The following WDR93 variants were observed in gnomAD, a reference collection of about 807,000 sequenced individuals.
WDR93 encodes the protein WD repeat domain 93.
A neutral mutation model predicts 82.9 loss-of-function variants in WDR93; 73 were observed. The observed-to-expected ratio is 0.88, with a 90% confidence interval of 0.73 to 1.07. The LOEUF (loss-of-function observed/expected upper bound fraction) is 1.07. Among genes scored for constraint, WDR93 ranks in the 50% least tolerant of loss-of-function variants. The pLI, the probability that WDR93 is intolerant of heterozygous loss-of-function variation, is 0.00. For missense variants in WDR93, 738 were observed against 826.0 expected, an observed-to-expected ratio of 0.89 and a Z score of 1.31; for synonymous variants, 283 against 300.1, an observed-to-expected ratio of 0.94 and a Z score of 0.59.
intron 1 of WDR93, among the ~76,000 whole-genome samples, chr15:89,695,973 C>A (rs1456308254): frequency 1.3e-5 from 2 of 152,012 alleles, no homozygotes; most frequent in African/African-American, 4.8e-5. Flanking sequence ...CACACCACCA[C>A]ACCCAGCTTA....
chr15:89,731,546 G>C lies in WDR93; in HGVS notation c.1314G>C (p.Leu438=). ...CCTGCGAGGATGGTGTGCTCACGCTGTGGGACCTGGCCAAAGGTAAGTCCT... is the reference window on the plus strand; with the variant it reads ...CCTGCGAGGATGGTGTGCTCACGCTCTGGGACCTGGCCAAAGGTAAGTCCT... ...VLACEDGVLT[L]WDLAKGFPLG... is the part of the protein sequence containing the mutation. The change falls in exon 12 of 17, where the codon CTG becomes CTC. Residue 438 remains leucine, a synonymous_variant. Coordinates refer to ENST00000268130, the MANE Select transcript of WDR93 (RefSeq NM_020212.2). The C allele has an allele frequency of 6.2e-7, 1 of 1,614,110 alleles. No individual in the cohort carries two copies. The highest frequency in any genetic ancestry group is 8.5e-7 in the Non-Finnish European group (1 of 1,180,004).
chr15:89,692,888 G>A (rs1964971897), intron 1 of WDR93, among the ~76,000 whole-genome samples: 1 of 150,562 alleles, frequency 6.6e-6, no homozygotes, highest in South Asian at 2.1e-4. Context: ...GATTACAGGT[G>A]TGAGCCACCA....
At chr15:89,732,942 C>T (rs1966883617) in intron 12 of WDR93, 64 bp from the exon 13 acceptor site, 6 of 1,470,362 alleles carry the variant, frequency 4.1e-6, no homozygotes, top group Non-Finnish European at 5.7e-6. Context: ...GGTCACAGCC[C>T]CTGTGCCCAT....
rs1216708537 is a variant in WDR93, at chr15:89,722,139, GGTAA to G, written c.880+3_880+6del. 2.5e-6 allele frequency: 4 copies of G among 1,590,564 alleles called. No homozygotes were observed. The highest frequency in any genetic ancestry group is 1.8e-5 in the Admixed American group (1 of 55,892). ...GATCAAACCACCTAAGCCTGTTACA[GGTAA>G]GTGTGATTCAAATCTCTCTCCTTTT... On this transcript the variant is annotated splice_donor_variant and splice_donor_region_variant and intron_variant, in intron 8 of 16. Coordinates refer to ENST00000268130, the MANE Select transcript of WDR93 (RefSeq NM_020212.2). LOFTEE classifies it high-confidence loss of function.
chr15:89,725,546 C>CT (rs35770679), intron 8 of WDR93, among the ~76,000 whole-genome samples: 60,879 of 144,676 alleles, frequency 0.42, 13,173 homozygotes, highest in African/African-American at 0.48. Flanking sequence ...TGTTCTATTT[C>CT]TTTTTTTTTT....
intron 4 of WDR93, among the ~76,000 whole-genome samples, chr15:89,710,187 A>C (rs1370341243): frequency 2.6e-5 from 4 of 152,166 alleles, no homozygotes; most frequent in Admixed American, 2.6e-4. Context: ...GAAAACAAAA[A>C]AACATAATCA....
intron 7 of WDR93, among the ~76,000 whole-genome samples, chr15:89,720,188 C>T (rs1966462344): frequency 6.6e-6 from 1 of 152,114 alleles, no homozygotes; most frequent in South Asian, 2.1e-4. Context: ...TATCTAAGTA[C>T]TGCTTTAAAA....
At chr15:89,694,941 T>C (rs889080684) in intron 1 of WDR93, among the ~76,000 whole-genome samples, 9 of 152,238 alleles carry the variant, frequency 5.9e-5, no homozygotes, top group Non-Finnish European at 5.9e-5. Context: ...AGAATATCCT[T>C]TTTCCACCGA....
At chr15:89,732,410 A>G (rs185017648) in intron 12 of WDR93, among the ~76,000 whole-genome samples, 1 of 152,250 alleles carries the variant, frequency 6.6e-6, no homozygotes, top group Non-Finnish European at 1.5e-5. Context: ...TGCAGTGGTT[A>G]TTTCAACTTT....
At chr15:89,724,026 C>T (rs1456154565) in intron 8 of WDR93, among the ~76,000 whole-genome samples, 3 of 151,998 alleles carry the variant, frequency 2.0e-5, no homozygotes, top group East Asian at 1.9e-4. Flanking sequence ...GGCGAAACCC[C>T]GTCTGTACTA....
At chr15:89,694,737 A>G (rs2141575284) in intron 1 of WDR93, among the ~76,000 whole-genome samples, 1 of 152,318 alleles carries the variant, frequency 6.6e-6, no homozygotes, top group East Asian at 1.9e-4. Context: ...GTTATACTTT[A>G]ATGTCATATC....
chr15:89,691,008 C>G (rs949691562), intron 1 of WDR93, among the ~76,000 whole-genome samples, 151 bp downstream of exon 1: 1 of 152,164 alleles, frequency 6.6e-6, no homozygotes, highest in African/African-American at 2.4e-5. Flanking sequence ...CCCCGCAGAT[C>G]TCAGGTTCTC....
At chr15:89,727,701 T>C (rs1966792056) in intron 9 of WDR93, among the ~76,000 whole-genome samples, 1 of 152,214 alleles carries the variant, frequency 6.6e-6, no homozygotes, top group South Asian at 2.1e-4. Flanking sequence ...TAGATATCTA[T>C]GGAAATGAGA....
At position 89,722,140 on chromosome 15, in the gene WDR93, G is replaced by T; in HGVS notation, c.880+1G>T. On this transcript the variant is annotated splice_donor_variant, in intron 8 of 16. Coordinates refer to ENST00000268130, the MANE Select transcript of WDR93 (RefSeq NM_020212.2). LOFTEE classifies it high-confidence loss of function. ...ATCAAACCACCTAAGCCTGTTACAG[G>T]TAAGTGTGATTCAAATCTCTCTCCT... 6.3e-7 allele frequency: 1 copy of T among 1,589,820 alleles called. No homozygotes were observed. Among genetic ancestry groups the T allele is most frequent in the Non-Finnish European group, 8.6e-7 (1 of 1,166,600 alleles).
At chr15:89,709,889 A>G (rs1260828165) in intron 4 of WDR93, among the ~76,000 whole-genome samples, 1 of 152,192 alleles carries the variant, frequency 6.6e-6, no homozygotes, top group Non-Finnish European at 1.5e-5. Flanking sequence ...GGCCGGGTAC[A>G]GTGGCTCCTG....
chr15:89,740,495 T>G (rs1216990530), intron 16 of WDR93, among the ~76,000 whole-genome samples: 1 of 151,704 alleles, frequency 6.6e-6, no homozygotes, highest in Non-Finnish European at 1.5e-5. Context: ...AGGGTTTTTG[T>G]TTTTTGTTTT....
intron 4 of WDR93, among the ~76,000 whole-genome samples, chr15:89,707,853 C>A (rs1965791861): frequency 6.6e-6 from 1 of 152,134 alleles, no homozygotes; most frequent in African/African-American, 2.4e-5. Context: ...ATGTTCATAG[C>A]AGCTTTATTT....
At chr15:89,708,030 C>T (rs1420221562) in intron 4 of WDR93, among the ~76,000 whole-genome samples, 2 of 152,224 alleles carry the variant, frequency 1.3e-5, no homozygotes, top group African/African-American at 4.8e-5. Context: ...TGAAAGAAGT[C>T]AGATAAAAAT....
At chr15:89,735,995 C>T (rs1967135669) in intron 14 of WDR93, among the ~76,000 whole-genome samples, 1 of 152,166 alleles carries the variant, frequency 6.6e-6, no homozygotes, top group Non-Finnish European at 1.5e-5. Flanking sequence ...CATGAGATTG[C>T]TGTGGAATGT....
Sources: gnomAD v4.1 joint callset for allele counts (sites outside exome capture counted in the v4.1 genomes callset) on GRCh38, gnomAD v4.1.1 for gene constraint, MANE v1.5 for transcripts, NCBI Gene and HGNC (gene_info 2026-07-23, HGNC 2026-07-21) for gene names.